The following HPF1 variants were observed in gnomAD, a reference collection of about 807,000 sequenced individuals.
HPF1 encodes the protein histone PARylation factor 1, also known as UPF0609 protein C4orf27.
Under a neutral mutation model 38.8 loss-of-function variants are expected in HPF1, and 35 were observed. The ratio of observed to expected loss-of-function variants is 0.90; its 90% confidence interval spans 0.69 to 1.19. The LOEUF is 1.19. HPF1 is among the 50% of genes most tolerant of loss of function. The pLI, the probability that HPF1 is intolerant of heterozygous loss-of-function variation, is 0.00. For missense variants in HPF1, 367 were observed against 405.8 expected (o/e 0.90, Z 0.82); for synonymous variants, 115 against 139.2 (o/e 0.83, Z 1.22).
intron 5 of HPF1, among the ~76,000 whole-genome samples, chr4:169,738,236 T>C (rs1733922999): frequency 6.6e-6 from 1 of 152,222 alleles, no homozygotes; most frequent in African/African-American, 2.4e-5. Flanking sequence ...TAGGCTTCTC[T>C]GCAAACTTCC....
chr4:169,741,467 A>G (rs530005240), intron 5 of HPF1, among the ~76,000 whole-genome samples: 20 of 152,212 alleles, frequency 1.3e-4, no homozygotes, highest in African/African-American at 4.8e-4. Flanking sequence ...AAACCAAAAG[A>G]ATCCAACATT....
intron 2 of HPF1, among the ~76,000 whole-genome samples, chr4:169,752,077 C>G (rs189191357): frequency 6.6e-6 from 1 of 151,754 alleles, no homozygotes; most frequent in African/African-American, 2.4e-5. Context: ...ACCATCTATT[C>G]TCTTACTGAG....
chr4:169,752,601 T>C (rs544210619), intron 2 of HPF1, among the ~76,000 whole-genome samples: 1 of 152,194 alleles, frequency 6.6e-6, no homozygotes, highest in Non-Finnish European at 1.5e-5. Context: ...AAAATACTAA[T>C]GGTAGCATAC....
chr4:169,753,405 C>T (rs1734144189), intron 2 of HPF1, among the ~76,000 whole-genome samples: 1 of 152,180 alleles, frequency 6.6e-6, no homozygotes, highest in African/African-American at 2.4e-5. Context: ...TCACTGCAAC[C>T]TCAAACCACT....
chr4:169,741,956 C>T lies in HPF1; in HGVS notation c.648+1G>A. On this transcript the variant is annotated splice_donor_variant, in intron 5 of 7. Transcript: ENST00000393381. LOFTEE classifies it high-confidence loss of function. The stretch of plus-strand genomic sequence containing the variant: ...CAGAGACCAACAGGTTGAAATCATA[C>T]TTTCTTATCTCTCTGTTTCATCTTC... 1 of 1,610,496 alleles carries T rather than the reference C, an allele frequency of 6.2e-7. No homozygotes were observed. Among genetic ancestry groups the T allele is most frequent in the Non-Finnish European group, 8.5e-7 (1 of 1,178,822 alleles).
intron 6 of HPF1, among the ~76,000 whole-genome samples, chr4:169,733,478 G>C (rs1182561772): frequency 6.6e-6 from 1 of 151,046 alleles, no homozygotes; most frequent in African/African-American, 2.5e-5. Flanking sequence ...TGCCATACTG[G>C]GGGAGAGGAA....
chr4:169,735,957 C>CA (rs1581313651), intron 6 of HPF1, among the ~76,000 whole-genome samples: 1 of 136,282 alleles, frequency 7.3e-6, no homozygotes, highest in Non-Finnish European at 1.6e-5. Flanking sequence ...AAACCAACAA[C>CA]AAAAAACAGG....
intron 1 of HPF1, among the ~76,000 whole-genome samples, chr4:169,754,818 C>T (rs1486066349): frequency 6.6e-6 from 1 of 152,120 alleles, no homozygotes; most frequent in African/African-American, 2.4e-5. Context: ...TCCTATAATG[C>T]CCAGGATAGG....
At chr4:169,754,844 C>G (rs1357532610) in intron 1 of HPF1, among the ~76,000 whole-genome samples, 1 of 152,160 alleles carries the variant, frequency 6.6e-6, no homozygotes, top group African/African-American at 2.4e-5. Context: ...TCAACAAAGA[C>G]TACTGGCCCC....
intron 4 of HPF1, among the ~76,000 whole-genome samples, chr4:169,748,259 G>C (rs1483296108): frequency 3.3e-5 from 5 of 152,160 alleles, no homozygotes; most frequent in Admixed American, 6.5e-5. Context: ...AGTTACATAA[G>C]AGGTGTATTT....
rs772811309 is a variant in HPF1, at chr4:169,729,710, C to CT, written c.910-2dup. 4.0e-6 allele frequency: 6 copies of CT among 1,490,410 alleles called. No individual in the cohort carries two copies. The East Asian group carries it at 9.9e-5, about 25-fold the overall frequency. The allele number at this position is 1,490,410 out of a possible 1,614,324, so 92.3% of individuals were successfully genotyped here. A position where few individuals can be genotyped will look rare whatever the true frequency, so the allele number is the denominator to read the frequency against. ...GCTGGCCAGCAACTTTATGAAAATA[C>CT]TGAAAAATAAAAATATAACATTAAG... On this transcript the variant is annotated splice_acceptor_variant, in intron 7 of 7. Transcript: ENST00000393381. LOFTEE classifies it high-confidence loss of function.
intron 4 of HPF1, among the ~76,000 whole-genome samples, chr4:169,745,490 T>A (rs1234983822): frequency 6.6e-6 from 1 of 152,184 alleles, no homozygotes; most frequent in Non-Finnish European, 1.5e-5. Context: ...AGTCAATGAG[T>A]CACTCTTTCT....
intron 4 of HPF1, among the ~76,000 whole-genome samples, chr4:169,744,898 T>C (rs1257247132): frequency 6.6e-6 from 1 of 151,794 alleles, no homozygotes; most frequent in Non-Finnish European, 1.5e-5. Flanking sequence ...AAACACAATG[T>C]CATCTAAAAT....
At chr4:169,742,803 T>C (rs1481051717) in intron 4 of HPF1, among the ~76,000 whole-genome samples, 1 of 150,768 alleles carries the variant, frequency 6.6e-6, no homozygotes, top group East Asian at 2.0e-4. Flanking sequence ...AAAAAATATA[T>C]GTATATATTT....
chr4:169,753,904 A>C, intron 1 of HPF1, 69 bp from the exon 2 acceptor site: 1 of 1,182,990 alleles, frequency 8.5e-7, no homozygotes, highest in African/African-American at 1.5e-5. Context: ...AGTATCTATC[A>C]CTCTTGTTCA....
At chr4:169,735,196 C>T (rs1733877895) in intron 6 of HPF1, among the ~76,000 whole-genome samples, 1 of 151,566 alleles carries the variant, frequency 6.6e-6, no homozygotes, top group Admixed American at 6.6e-5. Context: ...ATGCTAAGCA[C>T]CGTGAGTCTA....
chr4:169,748,939 T>C (rs1291563634), intron 3 of HPF1, 97 bp from the exon 4 acceptor site: 16 of 628,342 alleles, frequency 2.5e-5, no homozygotes, highest in Middle Eastern at 2.6e-4. Context: ...TACACCTATT[T>C]TTTTTCCTTT....
intron 4 of HPF1, among the ~76,000 whole-genome samples, chr4:169,744,130 A>G (rs1009249902): frequency 2.6e-5 from 4 of 152,200 alleles, no homozygotes; most frequent in Admixed American, 1.3e-4. Context: ...ATGTGAATCA[A>G]TCGATCTTTA....
chr4:169,744,766 G>C (rs1581319088), intron 4 of HPF1, among the ~76,000 whole-genome samples: 1 of 151,474 alleles, frequency 6.6e-6, no homozygotes, highest in Non-Finnish European at 1.5e-5. Flanking sequence ...GTTCATTTGA[G>C]AGAATTCCTG....
Sources: gnomAD v4.1 joint callset for allele counts (sites outside exome capture counted in the v4.1 genomes callset) on GRCh38, gnomAD v4.1.1 for gene constraint, MANE v1.5 for transcripts, NCBI Gene and HGNC (gene_info 2026-07-23, HGNC 2026-07-21) for gene names.